Variants in AKAP10 observed in about 807,000 individuals in gnomAD.
The protein encoded by AKAP10 is A-kinase anchoring protein 10.
Under a neutral mutation model 80.8 loss-of-function variants are expected in AKAP10, and 24 were observed. That is an observed-to-expected ratio of 0.30 (90% CI 0.22 to 0.42). The LOEUF (loss-of-function observed/expected upper bound fraction) is 0.42, where lower values mean the gene tolerates loss of function less well. Ranked by LOEUF, AKAP10 falls within the 10% of genes least tolerant of loss-of-function variation. The pLI, the probability that AKAP10 is intolerant of heterozygous loss-of-function variation, is 1.00. For missense variants in AKAP10, 661 were observed against 794.9 expected (o/e 0.83, Z 2.03); for synonymous variants, 291 against 277.7 (o/e 1.05, Z -0.48).
At chr17:19,940,325 A>T (rs1181437709) in intron 7 of AKAP10, among the ~76,000 whole-genome samples, 3 of 152,214 alleles carry the variant, frequency 2.0e-5, no homozygotes, top group Non-Finnish European at 2.9e-5. Flanking sequence ...CGAGTGTCTA[A>T]ATTACTGCTT....
At chr17:19,967,435 A>G (rs1309757958) in intron 2 of AKAP10, among the ~76,000 whole-genome samples, 4 of 152,274 alleles carry the variant, frequency 2.6e-5, no homozygotes, top group Non-Finnish European at 5.9e-5. Context: ...TACAGTTAAC[A>G]GACTGCTCAG....
chr17:19,968,219 A>T (rs924780822), intron 2 of AKAP10, among the ~76,000 whole-genome samples, 195 bp downstream of exon 2: 44 of 151,768 alleles, frequency 2.9e-4, no homozygotes, highest in African/African-American at 9.9e-4. Context: ...AAAAAAAAAA[A>T]AAAGCCTACT....
intron 4 of AKAP10, among the ~76,000 whole-genome samples, chr17:19,956,290 A>G (rs2043274816): frequency 6.6e-6 from 1 of 152,224 alleles, no homozygotes; most frequent in African/African-American, 2.4e-5. Flanking sequence ...TAATTTATAC[A>G]GAGTACACAG....
intron 5 of AKAP10, among the ~76,000 whole-genome samples, chr17:19,943,537 A>G (rs955485215): frequency 1.3e-5 from 2 of 152,182 alleles, no homozygotes; most frequent in Admixed American, 1.3e-4. Context: ...GAGTGCATGG[A>G]AGCTCTGTGC....
At chr17:19,939,881 G>A (rs1326604910) in intron 7 of AKAP10, 32 bp from the exon 8 acceptor site, 15 of 1,589,454 alleles carry the variant, frequency 9.4e-6, no homozygotes, top group Non-Finnish European at 1.1e-5. Flanking sequence ...GGGAAAATAA[G>A]ACTATAAACA....
chr17:19,923,888 C>G (rs937178469), intron 11 of AKAP10, among the ~76,000 whole-genome samples: 2 of 152,118 alleles, frequency 1.3e-5, no homozygotes, highest in Non-Finnish European at 1.5e-5. Flanking sequence ...CATGGTGCTG[C>G]TGGGAACTGG....
intron 10 of AKAP10, among the ~76,000 whole-genome samples, chr17:19,926,716 G>A (rs2042878513): frequency 6.6e-6 from 1 of 152,192 alleles, no homozygotes; most frequent in Non-Finnish European, 1.5e-5. Context: ...ATGACCCAAG[G>A]AGGTGAAAGG....
At chr17:19,977,082 G>A (rs1055540956) in intron 1 of AKAP10, among the ~76,000 whole-genome samples, 2 of 152,150 alleles carry the variant, frequency 1.3e-5, no homozygotes, top group Non-Finnish European at 2.9e-5. Context: ...TCCTGTTGGG[G>A]AACTTTAGCA....
chr17:19,914,318 A>T (rs1222460281), intron 12 of AKAP10, among the ~76,000 whole-genome samples: 1 of 152,174 alleles, frequency 6.6e-6, no homozygotes, highest in Non-Finnish European at 1.5e-5. Context: ...AGCTATAAAC[A>T]AGTATGTAAA....
intron 10 of AKAP10, among the ~76,000 whole-genome samples, chr17:19,931,575 G>C (rs988901765): frequency 1.3e-5 from 2 of 152,082 alleles, no homozygotes; most frequent in African/African-American, 4.8e-5. Flanking sequence ...ATTTTTAGTA[G>C]AGATGGGGTT....
At chr17:19,942,667 G>A (rs2043061825) in intron 5 of AKAP10, among the ~76,000 whole-genome samples, 1 of 152,154 alleles carries the variant, frequency 6.6e-6, no homozygotes, top group South Asian at 2.1e-4. Context: ...GCTAAAATAA[G>A]GAACTGCTAA....
intron 10 of AKAP10, among the ~76,000 whole-genome samples, chr17:19,929,102 A>G (rs2042905179): frequency 6.6e-6 from 1 of 152,214 alleles, no homozygotes; most frequent in African/African-American, 2.4e-5. Context: ...GTTGGCAACA[A>G]AAGACCACAT....
At chr17:19,907,621 T>C (rs1489383185) in intron 14 of AKAP10, among the ~76,000 whole-genome samples, 1 of 151,964 alleles carries the variant, frequency 6.6e-6, no homozygotes, top group East Asian at 1.9e-4. Flanking sequence ...GGTTTCACCA[T>C]ATTGGCCAAG....
rs1366442529 is a variant in AKAP10, at chr17:19,958,423, T to C, written c.468A>G (p.Leu156=). The change falls in exon 4 of 15, where the codon TTA becomes TTG. Residue 156 remains leucine, a synonymous_variant. Coordinates refer to ENST00000225737, the MANE Select transcript of AKAP10 (RefSeq NM_007202.4). Reference sequence around the variant, plus strand: ...TTGTTGAATGAAAACTTTCAGCCTCTAACCAAAATTTCACCAAATGCTCCA... The same window carrying C: ...TTGTTGAATGAAAACTTTCAGCCTCCAACCAAAATTTCACCAAATGCTCCA... ...RRMEHLVKFW[L]EAESFHSTTW... is the part of the protein sequence containing the mutation. The C allele has an allele frequency of 6.2e-7, 1 of 1,614,216 alleles. No homozygotes were observed. Among genetic ancestry groups the C allele is most frequent in the South Asian group, 1.1e-5 (1 of 91,080 alleles).
Position 19,960,159 on chromosome 17 carries a change from A to G in AKAP10, c.320-1588T>C, listed in dbSNP as rs549227969. 2.6e-5 allele frequency among the ~76,000 whole-genome samples: 4 copies of G among 152,318 alleles called. No individual in the cohort carries two copies. The East Asian group carries it at 5.8e-4, about 22-fold the overall frequency. ...TAACATCTTGCAAAGCTATAGTACA[A>G]TATCACTCTAAGATACTGACAGTGA... On this transcript the variant is annotated intron_variant, in intron 3 of 14. Transcript: ENST00000225737.
At chr17:19,938,488 C>T (rs2043017554) in intron 8 of AKAP10, among the ~76,000 whole-genome samples, 1 of 151,254 alleles carries the variant, frequency 6.6e-6, no homozygotes, top group South Asian at 2.1e-4. Context: ...CCGCCTGCCT[C>T]AGCCTCCCAA....
chr17:19,957,363 A>G (rs1304114149), intron 4 of AKAP10, among the ~76,000 whole-genome samples: 2 of 151,920 alleles, frequency 1.3e-5, no homozygotes, highest in Admixed American at 1.3e-4. Flanking sequence ...AACATGGTGA[A>G]ACCCCGTCTC....
At chr17:19,950,508 G>A (rs956918686) in intron 4 of AKAP10, among the ~76,000 whole-genome samples, 1 of 152,206 alleles carries the variant, frequency 6.6e-6, no homozygotes, top group East Asian at 1.9e-4. Flanking sequence ...ACGGGGTTTC[G>A]CTGTGTTGGC....
intron 1 of AKAP10, among the ~76,000 whole-genome samples, chr17:19,972,665 C>T (rs1230267955): frequency 6.6e-6 from 1 of 152,138 alleles, no homozygotes; most frequent in Admixed American, 6.6e-5. Context: ...CCGTGTTAGC[C>T]AGGATGGTCT....
Sources: allele counts gnomAD v4.1 joint callset (sites outside exome capture counted in the v4.1 genomes callset), GRCh38; gene constraint gnomAD v4.1.1; transcripts MANE v1.5; gene names NCBI Gene and HGNC (gene_info 2026-07-23, HGNC 2026-07-21).